DIAPH3: variants seen among roughly 807,000 people sequenced by gnomAD.
The protein encoded by DIAPH3 is diaphanous related formin 3.
DIAPH3 carries 117 observed loss-of-function variants against 144.3 expected under a neutral mutation model. That is an observed-to-expected ratio of 0.81 (90% confidence interval 0.70 to 0.95). DIAPH3 has a LOEUF of 0.95. Among genes scored for constraint, DIAPH3 ranks in the 40% least tolerant of loss-of-function variants. DIAPH3 has a pLI of 0.00. For synonymous variants in DIAPH3, 519 were observed against 488.9 expected, an observed-to-expected ratio of 1.06 and a Z score of -0.81; for missense variants, 1,421 against 1,412.7, an observed-to-expected ratio of 1.01 and a Z score of -0.09.
At chr13:60,136,893 T>C (rs1432808772) in intron 1 of DIAPH3, among the ~76,000 whole-genome samples, 3 of 151,998 alleles carry the variant, frequency 2.0e-5, no homozygotes, top group Non-Finnish European at 4.4e-5. Flanking sequence ...TGAGCCGAGA[T>C]TGTGCCACTG....
chr13:60,112,619 G>A (rs189560941), intron 2 of DIAPH3, among the ~76,000 whole-genome samples: 1 of 152,128 alleles, frequency 6.6e-6, no homozygotes, highest in African/African-American at 2.4e-5. Flanking sequence ...CTCTCGGAGT[G>A]GGGGTGGGAG....
chr13:59,815,151 T>C (rs1258039225), intron 24 of DIAPH3, among the ~76,000 whole-genome samples: 1 of 152,360 alleles, frequency 6.6e-6, no homozygotes, highest in East Asian at 1.9e-4. Flanking sequence ...TTGCCCATCC[T>C]TTCTCCAATA....
intron 1 of DIAPH3, 55 bp downstream of exon 1, chr13:60,163,532 G>A: frequency 2.5e-6 from 4 of 1,583,486 alleles, no homozygotes; most frequent in South Asian, 1.1e-5. Flanking sequence ...ACCCTCGGCA[G>A]TCAGCCCTAC....
At chr13:59,858,114 G>C (rs913361473) in intron 22 of DIAPH3, among the ~76,000 whole-genome samples, 1 of 152,136 alleles carries the variant, frequency 6.6e-6, no homozygotes, top group Non-Finnish European at 1.5e-5. Context: ...ATATAAATTT[G>C]TAAGTCTTTA....
At chr13:59,699,086 CT>C (rs376713912) in intron 27 of DIAPH3, among the ~76,000 whole-genome samples, 2 of 152,080 alleles carry the variant, frequency 1.3e-5, no homozygotes, top group African/African-American at 4.8e-5. Context: ...TCTCATGGAG[CT>C]TATATTCTAG....
At chr13:59,819,865 C>T (rs1198354732) in intron 24 of DIAPH3, among the ~76,000 whole-genome samples, 1 of 151,742 alleles carries the variant, frequency 6.6e-6, no homozygotes, top group Non-Finnish European at 1.5e-5. Flanking sequence ...AAATAACCAC[C>T]TAGCACTAAA....
chr13:59,767,023 G>A (rs143478638), intron 27 of DIAPH3, among the ~76,000 whole-genome samples: 2 of 152,096 alleles, frequency 1.3e-5, no homozygotes, highest in Non-Finnish European at 2.9e-5. Flanking sequence ...GCTCCTAGGG[G>A]AGAACGCTCC....
At chr13:59,860,695 G>A (rs1046689420) in intron 22 of DIAPH3, among the ~76,000 whole-genome samples, 9 of 151,778 alleles carry the variant, frequency 5.9e-5, no homozygotes, top group Non-Finnish European at 1.2e-4. Flanking sequence ...CCAAGATCAC[G>A]CCACTGCACT....
intron 27 of DIAPH3, among the ~76,000 whole-genome samples, chr13:59,772,126 TG>T (rs1321121805): frequency 6.6e-6 from 1 of 152,002 alleles, no homozygotes; most frequent in African/African-American, 2.4e-5. Context: ...GTATTTTCAA[TG>T]AAAAAAAGTA....
intron 4 of DIAPH3, among the ~76,000 whole-genome samples, chr13:60,079,641 T>C (rs1232228484): frequency 2.0e-5 from 3 of 151,842 alleles, no homozygotes; most frequent in African/African-American, 7.3e-5. Flanking sequence ...ACAGATGATG[T>C]CTTATGGGCA....
chr13:60,082,012 A>T (rs1238478071), intron 4 of DIAPH3, among the ~76,000 whole-genome samples: 1 of 152,034 alleles, frequency 6.6e-6, no homozygotes, highest in African/African-American at 2.4e-5. Context: ...AGACACCTCA[A>T]AGACAAACCT....
chr13:59,907,196 T>C (rs1411437783), intron 20 of DIAPH3, among the ~76,000 whole-genome samples: 1 of 152,176 alleles, frequency 6.6e-6, no homozygotes, highest in Non-Finnish European at 1.5e-5. Flanking sequence ...TATACACCAA[T>C]TTCTCCACAA....
intron 24 of DIAPH3, among the ~76,000 whole-genome samples, chr13:59,823,063 T>C (rs1425203442): frequency 6.6e-6 from 1 of 152,228 alleles, no homozygotes; most frequent in Non-Finnish European, 1.5e-5. Flanking sequence ...GCATTACCTT[T>C]TGCTACGTTA....
At chr13:59,975,502 TA>T in intron 14 of DIAPH3, among the ~76,000 whole-genome samples, 1 of 152,106 alleles carries the variant, frequency 6.6e-6, no homozygotes, top group African/African-American at 2.4e-5. Flanking sequence ...AACGTTTAGA[TA>T]ATGCTTTACG....
intron 19 of DIAPH3, among the ~76,000 whole-genome samples, chr13:59,915,825 A>T (rs1033366058): frequency 6.6e-6 from 1 of 152,146 alleles, no homozygotes. Context: ...AGAAAAACAC[A>T]TTCTAAAAGG....
chr13:60,095,298 T>A (rs1026995866), intron 3 of DIAPH3, among the ~76,000 whole-genome samples: 2 of 152,260 alleles, frequency 1.3e-5, no homozygotes, highest in East Asian at 3.9e-4. Context: ...CACAGCAACC[T>A]TTTATCGAAT....
intron 2 of DIAPH3, among the ~76,000 whole-genome samples, chr13:60,121,675 G>A (rs2058848285): frequency 6.6e-6 from 1 of 152,114 alleles, no homozygotes; most frequent in Admixed American, 6.5e-5. Context: ...AGTTCCAAAG[G>A]GCAAAGTAGG....
chr13:60,015,814 A>G (rs2053603820), intron 7 of DIAPH3, 99 bp downstream of exon 7: 1 of 1,076,226 alleles, frequency 9.3e-7, no homozygotes, highest in African/African-American at 1.6e-5. Context: ...ATCATGTACT[A>G]AAAAACACAT....
chr13:60,120,864 C>T (rs1237775813), intron 2 of DIAPH3, among the ~76,000 whole-genome samples: 1 of 152,118 alleles, frequency 6.6e-6, no homozygotes, highest in East Asian at 1.9e-4. Context: ...AAGCTGTTTC[C>T]AAATTTTTGA....
Sources: allele counts gnomAD v4.1 joint callset (sites outside exome capture counted in the v4.1 genomes callset), GRCh38; gene constraint gnomAD v4.1.1; transcripts MANE v1.5; gene names NCBI Gene and HGNC (gene_info 2026-07-23, HGNC 2026-07-21).